WNT3: variants seen among roughly 807,000 people sequenced by gnomAD.
WNT3 encodes the protein Wnt family member 3.
A neutral mutation model predicts 34.2 loss-of-function variants in WNT3; 7 were observed. The observed-to-expected ratio is 0.20, with a 90% CI of 0.12 to 0.38. The LOEUF (loss-of-function observed/expected upper bound fraction) is 0.38. WNT3 is among the 10% of genes least tolerant of loss of function. The pLI is 1.00. For missense variants in WNT3, 267 were observed against 499.8 expected (o/e 0.53, Z 4.44); for synonymous variants, 212 against 211.5 (o/e 1.00, Z -0.02).
intron 1 of WNT3, among the ~76,000 whole-genome samples, chr17:46,784,924 C>T (rs548461899): frequency 3.3e-5 from 5 of 151,958 alleles, no homozygotes; most frequent in Non-Finnish European, 7.4e-5. Context: ...TACAGGCACC[C>T]GCCACCATGC....
At position 46,779,103 on chromosome 17, in the gene WNT3, A is replaced by ACACACACACACACACC. The variant is rs749719578; in HGVS notation, c.81-5195_81-5194insGGTGTGTGTGTGTGTG. ...CACACACACACACACACACACACAC[A>ACACACACACACACACC]CCCCAGCCCACTCGGCCTTCCAAAG... is the stretch of plus-strand genomic sequence containing the variant. On this transcript the variant is annotated intron_variant, in intron 1 of 4. Transcript: ENST00000225512. 1.6e-3 allele frequency among the ~76,000 whole-genome samples: 215 copies of ACACACACACACACACC among 133,600 alleles called. 4 individuals are homozygous for ACACACACACACACACC. The East Asian group carries it at 0.018, about 11-fold the overall frequency. 87.6% of individuals were successfully genotyped at this position (133,600 alleles called of 152,430 possible). A position where few individuals can be genotyped will look rare whatever the true frequency, so the allele number is the denominator to read the frequency against.
At chr17:46,803,399 C>T (rs1407131547) in intron 1 of WNT3, among the ~76,000 whole-genome samples, 2 of 152,180 alleles carry the variant, frequency 1.3e-5, no homozygotes, top group East Asian at 1.9e-4. Flanking sequence ...CCAGGTGTGG[C>T]GGTGCACACC....
chr17:46,809,344 A>ATTGGTTTTCCTTGCC (rs1297807450), intron 1 of WNT3, among the ~76,000 whole-genome samples: 1 of 152,094 alleles, frequency 6.6e-6, no homozygotes, highest in African/African-American at 2.4e-5. Context: ...GCCCTGCGAG[A>ATTGGTTTTCCTTGCC]TTGGTTTTCC....
rs1230014657 is a variant in WNT3 at position 46,771,775 on chromosome 17, G to A, written c.323-1727C>T. Among the ~76,000 whole-genome samples, 215 of 142,880 alleles carry A rather than the reference G, an allele frequency of 1.5e-3. 3 individuals are homozygous for A. The highest frequency in any genetic ancestry group is 5.0e-3 in the African/African-American group (201 of 39,848). The allele number at this position is 142,880 out of a possible 152,430, so 93.7% of individuals were successfully genotyped here. A position where few individuals can be genotyped will look rare whatever the true frequency, so the allele number is the denominator to read the frequency against. ...GCCCCCCGCCCCCGCGCCGCGCCGC[G>A]CCGCGCCGCGCCGAATGGCCAGAGG... On this transcript the variant is annotated intron_variant, in intron 2 of 4. Coordinates refer to ENST00000225512, the MANE Select transcript of WNT3 (RefSeq NM_030753.5).
intron 1 of WNT3, among the ~76,000 whole-genome samples, chr17:46,793,065 G>A (rs1163705448): frequency 6.7e-6 from 1 of 149,270 alleles, no homozygotes; most frequent in Non-Finnish European, 1.5e-5. Flanking sequence ...AGGTGTTCAA[G>A]ACTAGCCTAG....
intron 1 of WNT3, among the ~76,000 whole-genome samples, chr17:46,809,159 G>A (rs2146458784): frequency 6.6e-6 from 1 of 152,318 alleles, no homozygotes; most frequent in South Asian, 2.1e-4. Flanking sequence ...CAGGTGGACA[G>A]AAGTGAAATC....
intron 1 of WNT3, 96 bp from the exon 2 acceptor site, chr17:46,774,005 A>C: frequency 6.6e-7 from 1 of 1,511,580 alleles, no homozygotes; most frequent in Non-Finnish European, 8.9e-7. Context: ...GGGTAGGTGG[A>C]GAGGCAGAGG....
intron 1 of WNT3, among the ~76,000 whole-genome samples, chr17:46,810,938 G>A (rs2084266574): frequency 6.6e-6 from 1 of 152,102 alleles, no homozygotes; most frequent in South Asian, 2.1e-4. Context: ...TCTCGCCCCA[G>A]AGCCCGCTCT....
chr17:46,805,292 G>T (rs1347119542), intron 1 of WNT3, among the ~76,000 whole-genome samples: 1 of 152,054 alleles, frequency 6.6e-6, no homozygotes, highest in East Asian at 1.9e-4. Context: ...AAGAAAAAAG[G>T]CTGGGCACAG....
intron 2 of WNT3, among the ~76,000 whole-genome samples, chr17:46,772,367 A>G (rs1215657001): frequency 1.3e-5 from 2 of 152,250 alleles, no homozygotes; most frequent in Non-Finnish European, 1.5e-5. Context: ...TAGCGCTCCC[A>G]GAGCCGCTTT....
At chr17:46,766,844 C>T (rs2059317977) in intron 4 of WNT3, among the ~76,000 whole-genome samples, 1 of 152,232 alleles carries the variant, frequency 6.6e-6, no homozygotes, top group Non-Finnish European at 1.5e-5. Flanking sequence ...AGCAGCACCC[C>T]AGACAACAAT....
intron 2 of WNT3, 138 bp from the exon 3 acceptor site, chr17:46,770,186 A>G: frequency 1.2e-5 from 15 of 1,216,014 alleles, no homozygotes; most frequent in Non-Finnish European, 1.7e-5. Flanking sequence ...GGCAAGAGGG[A>G]GGCAGCTTCC....
chr17:46,816,483 A>ATG (rs1568100621), intron 1 of WNT3, among the ~76,000 whole-genome samples: 23 of 95,436 alleles, frequency 2.4e-4, no homozygotes, highest in Non-Finnish European at 5.0e-4. Context: ...ACGCACACAC[A>ATG]CACACACACA....
chr17:46,772,556 C>T (rs760683145), intron 2 of WNT3, among the ~76,000 whole-genome samples: 18 of 152,190 alleles, frequency 1.2e-4, no homozygotes, highest in Non-Finnish European at 2.1e-4. Context: ...GCCACTTGGC[C>T]CCAATTAAGA....
chr17:46,816,805 C>T (rs1480277228), intron 1 of WNT3, among the ~76,000 whole-genome samples: 1 of 152,208 alleles, frequency 6.6e-6, no homozygotes, highest in African/African-American at 2.4e-5. Flanking sequence ...CTACCCTCCC[C>T]CAACCCACCA....
At chr17:46,773,517 G>A (rs1033860601) in intron 2 of WNT3, 151 bp downstream of exon 2, 9 of 877,946 alleles carry the variant, frequency 1.0e-5, no homozygotes, top group African/African-American at 1.7e-5. Flanking sequence ...CAGCGCCTGG[G>A]AAGGTGTGGC....
intron 1 of WNT3, among the ~76,000 whole-genome samples, chr17:46,817,379 C>CA (rs1568101154): frequency 4.6e-5 from 7 of 152,216 alleles, no homozygotes; most frequent in African/African-American, 1.7e-4. Flanking sequence ...CCTCCCCCCG[C>CA]CCAGGCCAAG....
chr17:46,817,723 C>T (rs1399965730), intron 1 of WNT3, among the ~76,000 whole-genome samples: 2 of 151,894 alleles, frequency 1.3e-5, no homozygotes, highest in East Asian at 1.9e-4. Flanking sequence ...TTCTCCCTTC[C>T]CTCTCCCTTT....
In WNT3 at chr17:46,775,763, A is replaced by G. The variant is rs2059407717; in HGVS notation, c.81-1854T>C. Reference sequence around the variant, plus strand: ...CGAGTAGCTGGGACTACAGGTGCCCACCACCACGCCCGGCTAATTTTTTGT... The same window carrying G: ...CGAGTAGCTGGGACTACAGGTGCCCGCCACCACGCCCGGCTAATTTTTTGT... On this transcript the variant is annotated intron_variant, in intron 1 of 4. Transcript: ENST00000225512. 5.3e-5 allele frequency among the ~76,000 whole-genome samples: 8 copies of G among 151,554 alleles called. No homozygotes were observed. In the South Asian group the frequency reaches 1.7e-3, roughly 32 times the overall value.
Sources: gnomAD v4.1 joint callset for allele counts (sites outside exome capture counted in the v4.1 genomes callset) on GRCh38, gnomAD v4.1.1 for gene constraint, MANE v1.5 for transcripts, NCBI Gene and HGNC (gene_info 2026-07-23, HGNC 2026-07-21) for gene names.